XKR3: variants seen among roughly 807,000 people sequenced by gnomAD.
XKR3 encodes the protein XK-related protein 3.
Under a neutral mutation model 40.3 loss-of-function variants are expected in XKR3, and 27 were observed. The observed-to-expected ratio is 0.67, with a 90% CI of 0.49 to 0.92. The LOEUF (loss-of-function observed/expected upper bound fraction) is 0.92, where lower values mean the gene tolerates loss of function less well. XKR3 is among the 40% of genes least tolerant of loss of function. The pLI is 0.00. For missense variants in XKR3, 472 were observed against 537.6 expected (o/e 0.88, Z 1.21); for synonymous variants, 193 against 195.4 (o/e 0.99, Z 0.10).
intron 2 of XKR3, among the ~76,000 whole-genome samples, chr22:16,803,060 GTAGTGTCCTCAATTGACATATATA>G (rs1468093896): frequency 7.1e-6 from 1 of 140,018 alleles, no homozygotes; most frequent in African/African-American, 2.6e-5. Context: ...CTTAAGGTTG[GTAGTGTCCTCAATTGACATATATA>G]TATATATACA....
intron 2 of XKR3, 93 bp downstream of exon 2, chr22:16,807,646 C>G: frequency 8.6e-7 from 1 of 1,161,338 alleles, no homozygotes; most frequent in Non-Finnish European, 1.2e-6. Context: ...ATTCCGTAAA[C>G]GATAATTATG....
At chr22:16,792,530 T>C (rs1471178693) in intron 3 of XKR3, among the ~76,000 whole-genome samples, 4 of 152,256 alleles carry the variant, frequency 2.6e-5, no homozygotes, top group African/African-American at 9.6e-5. Flanking sequence ...TCATTTGTTT[T>C]ACTGCTGAAG....
At chr22:16,818,284 A>G (rs912459366) in intron 1 of XKR3, among the ~76,000 whole-genome samples, 2 of 152,140 alleles carry the variant, frequency 1.3e-5, no homozygotes, top group Admixed American at 1.3e-4. Context: ...TCCTCTGAAC[A>G]ACTAAAACAC....
chr22:16,799,112 T>C (rs1437938516), intron 3 of XKR3, among the ~76,000 whole-genome samples: 1 of 152,132 alleles, frequency 6.6e-6, no homozygotes, highest in African/African-American at 2.4e-5. Context: ...TTTCGACTTC[T>C]ATTAAAAGCA....
intron 1 of XKR3, among the ~76,000 whole-genome samples, chr22:16,819,821 G>A (rs1225421619): frequency 6.6e-6 from 1 of 152,116 alleles, no homozygotes; most frequent in African/African-American, 2.4e-5. Context: ...AGACTAGAAA[G>A]CCAATGTGCA....
At chr22:16,789,820 CCA>C (rs1324747608) in intron 3 of XKR3, among the ~76,000 whole-genome samples, 2 of 152,158 alleles carry the variant, frequency 1.3e-5, no homozygotes, top group African/African-American at 4.8e-5. Flanking sequence ...ACAAATAAAT[CCA>C]CACACGGATA....
Position 16,800,026 on chromosome 22 carries a change from T to G in XKR3, c.336-2A>C, listed in dbSNP as rs2060162068. ...TAATTTCTAATGGTGTGCAAACACC[T>G]GTTAACATGAAGTAACATCCAAGAT... is the stretch of plus-strand genomic sequence containing the variant. On this transcript the variant is annotated splice_acceptor_variant, in intron 2 of 3. Transcript: ENST00000684488. LOFTEE classifies it high-confidence loss of function. The G allele has an allele frequency of 6.2e-7, 1 of 1,611,724 alleles. No individual in the cohort carries two copies. Among genetic ancestry groups the G allele is most frequent in the South Asian group, 1.1e-5 (1 of 90,922 alleles).
chr22:16,792,092 C>T (rs1394963199), intron 3 of XKR3, among the ~76,000 whole-genome samples: 3 of 152,048 alleles, frequency 2.0e-5, no homozygotes, highest in Non-Finnish European at 4.4e-5. Context: ...CAGGTACCCG[C>T]TACCATGTCC....
chr22:16,810,424 C>T (rs1034469281), intron 1 of XKR3, among the ~76,000 whole-genome samples: 1 of 152,158 alleles, frequency 6.6e-6, no homozygotes, highest in Non-Finnish European at 1.5e-5. Context: ...GCATGTTTTA[C>T]TTTTAAGACA....
At chr22:16,792,400 A>C (rs1367441374) in intron 3 of XKR3, among the ~76,000 whole-genome samples, 1 of 152,268 alleles carries the variant, frequency 6.6e-6, no homozygotes, top group African/African-American at 2.4e-5. Flanking sequence ...CTGTGCGTAC[A>C]ATGAAAACTG....
At chr22:16,812,700 A>G (rs1370296349) in intron 1 of XKR3, among the ~76,000 whole-genome samples, 1 of 152,080 alleles carries the variant, frequency 6.6e-6, no homozygotes, top group Non-Finnish European at 1.5e-5. Flanking sequence ...AAAATAAAGT[A>G]CACACTCGGT....
At chr22:16,811,637 A>G (rs958849624) in intron 1 of XKR3, among the ~76,000 whole-genome samples, 1 of 152,210 alleles carries the variant, frequency 6.6e-6, no homozygotes, top group African/African-American at 2.4e-5. Flanking sequence ...CTTCACGTGT[A>G]CGCTGAACAA....
chr22:16,803,551 C>T (rs914783131), intron 2 of XKR3, among the ~76,000 whole-genome samples: 1 of 152,128 alleles, frequency 6.6e-6, no homozygotes, highest in Non-Finnish European at 1.5e-5. Flanking sequence ...TTAGAGAATA[C>T]ATGGCAAATG....
intron 3 of XKR3, among the ~76,000 whole-genome samples, chr22:16,798,075 G>A (rs1328812306): frequency 6.6e-6 from 1 of 151,342 alleles, no homozygotes; most frequent in Non-Finnish European, 1.5e-5. Flanking sequence ...AGGTACCTGG[G>A]AGGCTGAGGC....
At chr22:16,808,712 TG>T (rs536231944) in intron 1 of XKR3, among the ~76,000 whole-genome samples, 3 of 152,130 alleles carry the variant, frequency 2.0e-5, no homozygotes, top group Non-Finnish European at 4.4e-5. Flanking sequence ...TCTCTTTTGT[TG>T]GGGGGAAAAA....
At chr22:16,814,742 A>T in intron 1 of XKR3, among the ~76,000 whole-genome samples, 1 of 151,642 alleles carries the variant, frequency 6.6e-6, no homozygotes, top group African/African-American at 2.4e-5. Context: ...GTTTTTCTTA[A>T]TCTCATTTTA....
At chr22:16,816,472 AT>A (rs895610263) in intron 1 of XKR3, among the ~76,000 whole-genome samples, 4 of 151,608 alleles carry the variant, frequency 2.6e-5, no homozygotes, top group African/African-American at 9.7e-5. Context: ...GTTAGTTGAT[AT>A]TTTTTTCCTA....
At chr22:16,819,167 T>A (rs1464987382) in intron 1 of XKR3, among the ~76,000 whole-genome samples, 2 of 152,080 alleles carry the variant, frequency 1.3e-5, no homozygotes, top group African/African-American at 4.8e-5. Context: ...AAGGATACAT[T>A]GTGTTAATGT....
At chr22:16,816,920 A>G (rs1270273186) in intron 1 of XKR3, among the ~76,000 whole-genome samples, 2 of 151,972 alleles carry the variant, frequency 1.3e-5, no homozygotes, top group Admixed American at 1.3e-4. Context: ...TATATTCTCA[A>G]TATTGCAAGG....
Sources: allele counts gnomAD v4.1 joint callset (sites outside exome capture counted in the v4.1 genomes callset), GRCh38; gene constraint gnomAD v4.1.1; transcripts MANE v1.5; gene names NCBI Gene and HGNC (gene_info 2026-07-23, HGNC 2026-07-21).